Variants in PFKFB3 observed in about 807,000 individuals in gnomAD.
PFKFB3 encodes the protein 6-phosphofructo-2-kinase/fructose-2,6-bisphosphatase 3.
PFKFB3 carries 33 observed loss-of-function variants against 68.0 expected under a neutral mutation model. That is an observed-to-expected ratio of 0.49 (90% CI 0.37 to 0.65). The LOEUF is 0.65. Among genes scored for constraint, PFKFB3 ranks in the 30% least tolerant of loss-of-function variants. The pLI is 0.00. For synonymous variants in PFKFB3, 315 were observed against 288.2 expected (o/e 1.09, Z -0.94); for missense variants, 586 against 712.2 (o/e 0.82, Z 2.02).
At position 6,172,572 on chromosome 10, in the gene PFKFB3, C is replaced by T. The variant is rs1359550058; in HGVS notation, c.16+27559C>T. ...TGATTAAGTGACTTATCCAAGACCA[C>T]AGGGCTTGCAAATGGCAAGTGGGAG... is the stretch of plus-strand genomic sequence containing the variant. On this transcript the variant is annotated intron_variant, in intron 1 of 14. Transcript: ENST00000379789. Among the ~76,000 whole-genome samples, 3 of 152,182 alleles carry T rather than the reference C, an allele frequency of 2.0e-5. No homozygotes were observed. The East Asian group carries it at 5.8e-4, about 29-fold the overall frequency.
chr10:6,163,022 C>T lies in PFKFB3; in HGVS notation c.16+18009C>T, dbSNP rs145144824. On this transcript the variant is annotated intron_variant, in intron 1 of 14. Transcript: ENST00000379789. ...CCAGTCCAGCAGCACAGAGTTCTTCCTCTCCTTCCCCCGTCCCATAATTGT... is the reference window on the plus strand; with the variant it reads ...CCAGTCCAGCAGCACAGAGTTCTTCTTCTCCTTCCCCCGTCCCATAATTGT... Among the ~76,000 whole-genome samples the T allele has an allele frequency of 9.2e-3, 1,403 of 152,308 alleles. 15 individuals carry two copies. The highest frequency in any genetic ancestry group is 0.031 in the African/African-American group (1,299 of 41,560).
chr10:6,294,376 G>A, the PFKFB3 span: 1 of 322,752 alleles, frequency 3.1e-6, no homozygotes, highest in Non-Finnish European at 6.1e-6. Flanking sequence ...AGGCCTCACA[G>A]TCATGGTGGA....
chr10:6,254,294 G>A (rs1846453793), exon 15 of PFKFB3: 1 of 398,418 alleles, frequency 2.5e-6, no homozygotes, highest in Non-Finnish European at 4.4e-6. Flanking sequence ...GTGGACCCGG[G>A]GCTGCACCAA....
chr10:6,300,397 T>C, the PFKFB3 span, among the ~76,000 whole-genome samples: 1 of 152,170 alleles, frequency 6.6e-6, no homozygotes, highest in Non-Finnish European at 1.5e-5. Context: ...GAATAGGTAG[T>C]AGATTCTAGA....
the PFKFB3 span, among the ~76,000 whole-genome samples, chr10:6,260,312 G>T: frequency 1.3e-5 from 2 of 151,330 alleles, no homozygotes; most frequent in African/African-American, 4.9e-5. Context: ...ACACGGAGAG[G>T]CTGAGGCAGG....
chr10:6,183,925 C>G (rs993841073), intron 1 of PFKFB3, among the ~76,000 whole-genome samples: 1 of 151,620 alleles, frequency 6.6e-6, no homozygotes, highest in African/African-American at 2.4e-5. Context: ...CTCCTGACCT[C>G]GTGATCCACC....
intron 1 of PFKFB3, among the ~76,000 whole-genome samples, chr10:6,170,309 C>A (rs1842269028): frequency 6.6e-6 from 1 of 152,194 alleles, no homozygotes; most frequent in African/African-American, 2.4e-5. Context: ...AGAGAGAACG[C>A]TAATTGCTTC....
At chr10:6,209,348 C>T (rs1422363224) in intron 1 of PFKFB3, among the ~76,000 whole-genome samples, 1 of 152,132 alleles carries the variant, frequency 6.6e-6, no homozygotes, top group Non-Finnish European at 1.5e-5. Context: ...CACATCTAAA[C>T]ACATTTAAGT....
chr10:6,262,298 C>A, the PFKFB3 span, among the ~76,000 whole-genome samples: 1 of 150,702 alleles, frequency 6.6e-6, no homozygotes, highest in Non-Finnish European at 1.5e-5. Context: ...ACTAAAAATA[C>A]AAAAAATTAG....
chr10:6,261,196 G>A, the PFKFB3 span, among the ~76,000 whole-genome samples: 1 of 152,194 alleles, frequency 6.6e-6, no homozygotes, highest in Non-Finnish European at 1.5e-5. Context: ...CTTTTGTGAA[G>A]TACATTTTGA....
At chr10:6,155,241 C>T (rs1431081782) in intron 1 of PFKFB3, among the ~76,000 whole-genome samples, 27 of 146,794 alleles carry the variant, frequency 1.8e-4, no homozygotes, top group South Asian at 2.2e-4. Flanking sequence ...CCCGCTCTGT[C>T]GCCCAGGCTG....
chr10:6,237,943 G>A (rs1217363627), downstream of PFKFB3, among the ~76,000 whole-genome samples: 4 of 151,664 alleles, frequency 2.6e-5, no homozygotes, highest in African/African-American at 4.8e-5. Context: ...AGTTGTTCTC[G>A]GTGTGTGAGC....
intron 1 of PFKFB3, among the ~76,000 whole-genome samples, chr10:6,194,941 C>T (rs1180437028): frequency 4.0e-5 from 6 of 151,254 alleles, no homozygotes; most frequent in Non-Finnish European, 8.8e-5. Context: ...GGCGCAATCT[C>T]GGCTCACTGC....
At chr10:6,300,627 C>T in the PFKFB3 span, among the ~76,000 whole-genome samples, 3 of 152,330 alleles carry the variant, frequency 2.0e-5, no homozygotes, top group East Asian at 1.9e-4. Context: ...TAGCAGGAAA[C>T]GATGTGTCGT....
At chr10:6,279,993 G>T in the PFKFB3 span, among the ~76,000 whole-genome samples, 1 of 152,178 alleles carries the variant, frequency 6.6e-6, no homozygotes, top group Admixed American at 6.5e-5. Flanking sequence ...GATAGGACCG[G>T]ATAGCTTTGG....
chr10:6,257,758 C>T (rs1007055121), downstream of PFKFB3, among the ~76,000 whole-genome samples: 1 of 152,056 alleles, frequency 6.6e-6, no homozygotes, highest in African/African-American at 2.4e-5. Context: ...CCTAGGACAA[C>T]CTTGTGAAGG....
chr10:6,200,265 A>G (rs76149926), upstream of PFKFB3, among the ~76,000 whole-genome samples: 736 of 152,168 alleles, frequency 4.8e-3, 30 homozygotes, highest in East Asian at 0.12. Context: ...TTGTAGCTGT[A>G]AAAGAATCAT....
intron 14 of PFKFB3, among the ~76,000 whole-genome samples, chr10:6,240,848 CTTTTTA>C (rs1846122915): frequency 1.3e-5 from 2 of 151,992 alleles, no homozygotes; most frequent in Admixed American, 6.6e-5. Context: ...TCACTCTTTC[CTTTTTA>C]TTTTTATTAC....
chr10:6,192,234 T>C (rs1843044811), intron 1 of PFKFB3, among the ~76,000 whole-genome samples: 1 of 150,732 alleles, frequency 6.6e-6, no homozygotes, highest in Admixed American at 6.6e-5. Context: ...GTCTCAACAC[T>C]GGCGATGACA....
Sources: gnomAD v4.1 joint callset for allele counts (sites outside exome capture counted in the v4.1 genomes callset) on GRCh38, gnomAD v4.1.1 for gene constraint, MANE v1.5 for transcripts, NCBI Gene and HGNC (gene_info 2026-07-23, HGNC 2026-07-21) for gene names.